Variants in CYSTM1 observed in about 807,000 individuals in gnomAD.
CYSTM1 encodes cysteine rich transmembrane module containing 1, also known as cysteine-rich transmembrane module-containing protein 1.
CYSTM1 carries 4 observed loss-of-function variants against 13.1 expected under a neutral mutation model. The observed-to-expected ratio is 0.31, with a 90% CI of 0.15 to 0.70. CYSTM1 has a LOEUF of 0.70. CYSTM1 is among the 30% of genes least tolerant of loss of function. CYSTM1 has a pLI of 0.72. For missense variants in CYSTM1, 96 were observed against 121.6 expected (o/e 0.79, Z 0.99); for synonymous variants, 36 against 42.7 (o/e 0.84, Z 0.62).
intron 2 of CYSTM1, among the ~76,000 whole-genome samples, chr5:140,242,547 T>C (rs561109424): frequency 8.5e-5 from 13 of 152,290 alleles, no homozygotes; most frequent in African/African-American, 3.1e-4. Context: ...AATATGTCCT[T>C]ATGGGAAGAG....
intron 2 of CYSTM1, among the ~76,000 whole-genome samples, chr5:140,204,109 G>T: frequency 6.6e-6 from 1 of 152,122 alleles, no homozygotes. Context: ...ACTCATGCCT[G>T]TAGTCCCAGC....
rs1292765807 is a variant in CYSTM1 at position 140,230,434 on chromosome 5, G to A, written c.188-12871G>A. 4.6e-5 allele frequency among the ~76,000 whole-genome samples: 7 copies of A among 152,202 alleles called. No homozygotes were observed. Among genetic ancestry groups the A allele is most frequent in the African/African-American group, 7.2e-5 (3 of 41,446 alleles). Reference sequence around the variant, plus strand: ...TAAGGCAGTAATTTTATTAGAAAAGGTTAGAGGGGTGGATTCCAGGATGAG... The same window carrying A: ...TAAGGCAGTAATTTTATTAGAAAAGATTAGAGGGGTGGATTCCAGGATGAG... On this transcript the variant is annotated intron_variant, in intron 2 of 2. Coordinates refer to ENST00000261811, the MANE Select transcript of CYSTM1 (RefSeq NM_032412.4). The surrounding 1 kb of genome is among the most constrained non-coding windows in gnomAD (Gnocchi z 4.1).
Position 140,194,549 on chromosome 5 carries a change from AGGACCTATG to A in CYSTM1, c.87_95del (p.Pro30_Gly32del). ...CTTATCCACCACAACCAATGGGTCC[AGGACCTATG>A]GGGGGACCCTACCCACCTCCTCAAG... On this transcript the variant is annotated inframe_deletion, in exon 2 of 3. Coordinates refer to ENST00000261811, the MANE Select transcript of CYSTM1 (RefSeq NM_032412.4). The A allele has an allele frequency of 6.2e-7, 1 of 1,613,928 alleles. No homozygotes were observed. Among genetic ancestry groups the A allele is most frequent in the Non-Finnish European group, 8.5e-7 (1 of 1,179,878 alleles).
intron 1 of CYSTM1, among the ~76,000 whole-genome samples, chr5:140,188,078 T>TC (rs1216220882): frequency 6.6e-6 from 1 of 151,574 alleles, no homozygotes. Context: ...AACTTTTTTT[T>TC]TTTTTTTTTT....
At chr5:140,243,277 C>T in intron 2 of CYSTM1, 28 bp from the exon 3 acceptor site, 1 of 1,602,920 alleles carries the variant, frequency 6.2e-7, no homozygotes, top group Non-Finnish European at 8.5e-7. Flanking sequence ...CCAGTCCATT[C>T]TCACCCTCTT....
intron 1 of CYSTM1, among the ~76,000 whole-genome samples, chr5:140,176,253 ACTCTT>A (rs1554131501): frequency 1.3e-5 from 2 of 152,006 alleles, no homozygotes; most frequent in Non-Finnish European, 2.9e-5. Context: ...AGGTGACAAC[ACTCTT>A]CTCTGATGGG....
chr5:140,226,894 C>T (rs1019561411), intron 2 of CYSTM1, among the ~76,000 whole-genome samples: 4 of 151,810 alleles, frequency 2.6e-5, no homozygotes, highest in Admixed American at 6.6e-5. Context: ...GCTGAGTAGA[C>T]GCTGAAGTTC....
chr5:140,234,082 T>A (rs1764650064), intron 2 of CYSTM1, among the ~76,000 whole-genome samples: 1 of 152,230 alleles, frequency 6.6e-6, no homozygotes, highest in Admixed American at 6.5e-5. Flanking sequence ...TTAAAATATT[T>A]TACAGTTTTA....
intron 2 of CYSTM1, among the ~76,000 whole-genome samples, chr5:140,227,291 T>A (rs1764568998): frequency 6.6e-6 from 1 of 152,162 alleles, no homozygotes; most frequent in South Asian, 2.1e-4. Context: ...GAAGCCTTAA[T>A]GAGCTGTTTG....
intron 2 of CYSTM1, among the ~76,000 whole-genome samples, chr5:140,237,225 C>A (rs1434118687): frequency 6.6e-6 from 1 of 152,234 alleles, no homozygotes; most frequent in Non-Finnish European, 1.5e-5. Context: ...CCTTGGGACA[C>A]TCTGAACAAG....
intron 2 of CYSTM1, among the ~76,000 whole-genome samples, chr5:140,235,708 A>G (rs188888447): frequency 7.7e-4 from 118 of 152,296 alleles, no homozygotes; most frequent in Admixed American, 4.0e-3. Flanking sequence ...CCCAGCCCAG[A>G]AAAACATTTT....
chr5:140,243,684 T>G lies in CYSTM1; in HGVS notation c.*273T>G. 6.8e-6 allele frequency: 2 copies of G among 294,662 alleles called. No homozygotes were observed. The highest frequency in any genetic ancestry group is 1.1e-4 in the South Asian group (2 of 18,056). The allele number at this position is 294,662 out of a possible 1,614,324, so 18.3% of individuals were successfully genotyped here. A position where few individuals can be genotyped will look rare whatever the true frequency, so the allele number is the denominator to read the frequency against. On this transcript the variant is annotated 3_prime_UTR_variant, in exon 3 of 3. Transcript: ENST00000261811. ...GGCTTAGTTGTGAAAAATATAATTT[T>G]TAAATTATACATTCAAGGTAGTGGC...
intron 1 of CYSTM1, among the ~76,000 whole-genome samples, chr5:140,185,589 A>C (rs1291116840): frequency 6.6e-6 from 1 of 152,238 alleles, no homozygotes; most frequent in Non-Finnish European, 1.5e-5. Context: ...AATGTGTTTA[A>C]AATGCTGAGC....
intron 1 of CYSTM1, among the ~76,000 whole-genome samples, chr5:140,185,858 A>C (rs1488999782): frequency 6.6e-6 from 1 of 152,174 alleles, no homozygotes; most frequent in African/African-American, 2.4e-5. Context: ...ACCTCTGCTC[A>C]CTGTACATTC....
At chr5:140,197,120 C>T (rs2126658471) in intron 2 of CYSTM1, among the ~76,000 whole-genome samples, 1 of 152,250 alleles carries the variant, frequency 6.6e-6, no homozygotes, top group East Asian at 1.9e-4. Context: ...CATTTCTAGG[C>T]CAATATTGTT....
intron 2 of CYSTM1, among the ~76,000 whole-genome samples, chr5:140,195,769 G>A (rs1764149256): frequency 6.7e-6 from 1 of 149,170 alleles, no homozygotes; most frequent in African/African-American, 2.4e-5. Flanking sequence ...TTATGGCCAG[G>A]CACAGTGGCT....
rs1764781218 is a variant in CYSTM1 at position 140,243,720 on chromosome 5, A to ACAT, written c.*312_*314dup. 4.4e-6 allele frequency: 1 copy of ACAT among 228,882 alleles called. No individual in the cohort carries two copies. Among genetic ancestry groups the ACAT allele is most frequent in the Non-Finnish European group, 8.6e-6 (1 of 115,824 alleles). The allele number at this position is 228,882 out of a possible 1,614,324, so 14.2% of individuals were successfully genotyped here. A position where few individuals can be genotyped will look rare whatever the true frequency, so the allele number is the denominator to read the frequency against. ...ATTCAAGGTAGTGGCCAAATGTAAC[A>ACAT]CATCAATCATGGAATGATTTCTCTG... On this transcript the variant is annotated 3_prime_UTR_variant, in exon 3 of 3. Transcript: ENST00000261811.
intron 2 of CYSTM1, among the ~76,000 whole-genome samples, chr5:140,232,198 A>G (rs1764625514): frequency 6.6e-6 from 1 of 152,186 alleles, no homozygotes; most frequent in African/African-American, 2.4e-5. Context: ...TGGTTGAGAG[A>G]GAGAACAAAC....
At chr5:140,207,813 T>A (rs982965160) in intron 2 of CYSTM1, among the ~76,000 whole-genome samples, 1 of 152,226 alleles carries the variant, frequency 6.6e-6, no homozygotes, top group African/African-American at 2.4e-5. Flanking sequence ...CTATTAATCA[T>A]TCACATCTGA....
Sources: allele counts gnomAD v4.1 joint callset (sites outside exome capture counted in the v4.1 genomes callset), GRCh38; gene constraint gnomAD v4.1.1; non-coding constraint Gnocchi (gnomAD v3.1); transcripts MANE v1.5; gene names NCBI Gene and HGNC (gene_info 2026-07-23, HGNC 2026-07-21).